LTBP1: variants seen among roughly 807,000 people sequenced by gnomAD.
LTBP1 encodes latent-transforming growth factor beta-binding protein 1.
Under a neutral mutation model 207.6 loss-of-function variants are expected in LTBP1, and 129 were observed. That is an observed-to-expected ratio of 0.62 (90% CI 0.54 to 0.72). The LOEUF (loss-of-function observed/expected upper bound fraction) is 0.72, where lower values mean the gene tolerates loss of function less well. Among genes scored for constraint, LTBP1 ranks in the 30% least tolerant of loss-of-function variants. LTBP1 has a pLI of 0.00. For missense variants in LTBP1, 2,281 were observed against 2,217.2 expected, an observed-to-expected ratio of 1.03 and a Z score of -0.58; for synonymous variants, 963 against 833.7, an observed-to-expected ratio of 1.16 and a Z score of -2.67.
At chr2:33,041,222 T>C (rs993398123) in intron 3 of LTBP1, among the ~76,000 whole-genome samples, 2 of 152,190 alleles carry the variant, frequency 1.3e-5, no homozygotes, top group Admixed American at 1.3e-4. Flanking sequence ...TTATTATTTG[T>C]TTATTTATTT....
chr2:33,042,383 A>G (rs1296938977), intron 3 of LTBP1, among the ~76,000 whole-genome samples: 1 of 152,198 alleles, frequency 6.6e-6, no homozygotes, highest in Non-Finnish European at 1.5e-5. Context: ...AGTGATGAAG[A>G]TGAGGTTTTT....
chr2:33,055,953 A>T (rs559350491), intron 3 of LTBP1, among the ~76,000 whole-genome samples: 8 of 152,164 alleles, frequency 5.3e-5, no homozygotes, highest in Non-Finnish European at 8.8e-5. Context: ...GGAGGCTAGG[A>T]TATGGGGGTA....
chr2:33,379,515 A>G lies in LTBP1; in HGVS notation c.4712-9669A>G, dbSNP rs374866590. ...ATGAGCCACCGTGCCCGGCCCTGCCATTACTTTTAATGCATTCATGTGGTA... is the reference window on the plus strand; with the variant it reads ...ATGAGCCACCGTGCCCGGCCCTGCCGTTACTTTTAATGCATTCATGTGGTA... On this transcript the variant is annotated intron_variant, in intron 31 of 33. Transcript: ENST00000404816. 2.0e-5 allele frequency among the ~76,000 whole-genome samples: 3 copies of G among 152,162 alleles called. No individual in the cohort carries two copies. The East Asian group carries it at 5.8e-4, about 29-fold the overall frequency.
chr2:33,168,399 C>CAAAAAAAAAAAAA (rs10616798), intron 5 of LTBP1, among the ~76,000 whole-genome samples: 1 of 103,806 alleles, frequency 9.6e-6, no homozygotes, highest in Non-Finnish European at 2.0e-5. Flanking sequence ...GTCTTTGTCT[C>CAAAAAAAAAAAAA]AAAAAAAAAA....
chr2:33,139,426 T>C (rs2082455500), intron 5 of LTBP1, among the ~76,000 whole-genome samples: 1 of 152,128 alleles, frequency 6.6e-6, no homozygotes, highest in Non-Finnish European at 1.5e-5. Flanking sequence ...AGCTTATACT[T>C]TGAGGAAGAG....
chr2:33,252,832 C>A lies in LTBP1; in HGVS notation c.2155C>A (p.Leu719Ile). The A allele has an allele frequency of 6.2e-7, 1 of 1,605,770 alleles. No homozygotes were observed. Among genetic ancestry groups the A allele is most frequent in the Non-Finnish European group, 8.5e-7 (1 of 1,174,344 alleles). ...AWGPHCEKCP[L>I]PGTAAFKEIC... ...GGGCCCACACTGTGAGAAATGTCCC[C>A]TTCCAGGCACAGGTAAGACATGCCC... Residue 719 changes from leucine (L) to isoleucine (I), a missense_variant, in exon 11 of 34, where the codon CTT (leucine) becomes ATT (isoleucine). By Grantham distance (5) the Leu-to-Ile change is conservative (BLOSUM62 2). Coordinates refer to ENST00000404816, the MANE Select transcript of LTBP1 (RefSeq NM_206943.4).
chr2:33,046,283 T>A (rs2076438212), intron 3 of LTBP1, among the ~76,000 whole-genome samples: 1 of 152,100 alleles, frequency 6.6e-6, no homozygotes, highest in Non-Finnish European at 1.5e-5. Context: ...TTGGAGATAT[T>A]TTCCATCAAT....
rs894820902 is a variant in LTBP1, at chr2:33,140,297, T to C, written c.1201+5337T>C. ...TAACTGCTTAAGAGGGGCAAGCATA[T>C]GGAGTTTTTTCTGGAAACTTAGTTC... On this transcript the variant is annotated intron_variant, in intron 5 of 33. Coordinates refer to ENST00000404816, the MANE Select transcript of LTBP1 (RefSeq NM_206943.4). Among the ~76,000 whole-genome samples the C allele has an allele frequency of 3.9e-5, 6 of 152,312 alleles. No individual in the cohort carries two copies. The South Asian group carries it at 1.0e-3, about 26-fold the overall frequency.
intron 2 of LTBP1, among the ~76,000 whole-genome samples, chr2:32,998,547 GGTT>G (rs1685645110): frequency 1.6e-5 from 2 of 126,774 alleles, no homozygotes; most frequent in Admixed American, 1.7e-4. Context: ...AAAAAAAAAA[GGTT>G]GTTATGAACT....
At chr2:33,066,043 C>G (rs908724529) in intron 3 of LTBP1, among the ~76,000 whole-genome samples, 9 of 151,986 alleles carry the variant, frequency 5.9e-5, no homozygotes, top group Non-Finnish European at 5.9e-5. Context: ...GATCATGTAT[C>G]TTTTTCTTGT....
Position 33,171,201 on chromosome 2 carries a change from A to G in LTBP1, c.1202-15655A>G, listed in dbSNP as rs2085413769. 4.9e-5 allele frequency among the ~76,000 whole-genome samples: 6 copies of G among 122,470 alleles called. No homozygotes were observed. The South Asian group carries it at 1.5e-3, about 30-fold the overall frequency. 80.3% of individuals were successfully genotyped at this position (122,470 alleles called of 152,430 possible). A position where few individuals can be genotyped will look rare whatever the true frequency, so the allele number is the denominator to read the frequency against. ...GAGAGAAGAAGGCTTCAGACGATCA[A>G]ACTACTCCGAGCTACAGGAGGAAAT... On this transcript the variant is annotated intron_variant, in intron 5 of 33. Transcript: ENST00000404816.
intron 24 of LTBP1, among the ~76,000 whole-genome samples, chr2:33,332,398 A>T: frequency 7.6e-6 from 1 of 132,206 alleles, no homozygotes; most frequent in Non-Finnish European, 1.6e-5. Context: ...AAAAAAAAAA[A>T]GAGAGAGAGA....
intron 15 of LTBP1, among the ~76,000 whole-genome samples, chr2:33,268,140 C>T (rs914297251): frequency 3.9e-5 from 6 of 152,194 alleles, no homozygotes; most frequent in Non-Finnish European, 7.3e-5. Context: ...TAGAGCTACA[C>T]TATACATAGT....
intron 19 of LTBP1, among the ~76,000 whole-genome samples, chr2:33,290,742 G>A (rs1573649892): frequency 6.6e-6 from 1 of 152,216 alleles, no homozygotes; most frequent in East Asian, 1.9e-4. Flanking sequence ...AGTAGATAAT[G>A]GTACTAGATA....
At chr2:33,145,608 G>A (rs1425958114) in intron 5 of LTBP1, among the ~76,000 whole-genome samples, 1 of 152,162 alleles carries the variant, frequency 6.6e-6, no homozygotes, top group African/African-American at 2.4e-5. Context: ...GATGATTTAT[G>A]AGTCCTCTGG....
At chr2:33,066,957 A>T (rs77766552) in intron 3 of LTBP1, among the ~76,000 whole-genome samples, 3 of 152,188 alleles carry the variant, frequency 2.0e-5, no homozygotes, top group Admixed American at 6.5e-5. Context: ...GCCTGAGTCC[A>T]GGAGTTCGAG....
chr2:33,142,531 A>T (rs1336168167), intron 5 of LTBP1, among the ~76,000 whole-genome samples: 1 of 152,040 alleles, frequency 6.6e-6, no homozygotes, highest in Non-Finnish European at 1.5e-5. Context: ...TGGAAAGGTG[A>T]TTCCATGGGT....
In LTBP1 at chr2:33,361,451, C is replaced by G; in HGVS notation, c.4206C>G (p.Pro1402=). ...LGTAEFTEMC[P]KGKGFVPAGE... ...CAGCTGAGTTCACTGAAATGTGTCC[C>G]AAAGGGAAAGGTTTTGTGCCTGCTG... Residue 1402 remains proline, a synonymous_variant, in exon 28 of 34, where the codon CCC becomes CCG. Transcript: ENST00000404816. 6.2e-7 allele frequency: 1 copy of G among 1,611,240 alleles called. No individual in the cohort carries two copies. Among genetic ancestry groups the G allele is most frequent in the Non-Finnish European group, 8.5e-7 (1 of 1,178,646 alleles).
intron 10 of LTBP1, among the ~76,000 whole-genome samples, chr2:33,249,883 T>C (rs1207518770): frequency 1.3e-5 from 2 of 152,216 alleles, no homozygotes; most frequent in African/African-American, 4.8e-5. Context: ...GCTTCCCCTA[T>C]CCCTTAGAAA....
Sources: allele counts gnomAD v4.1 joint callset (sites outside exome capture counted in the v4.1 genomes callset), GRCh38; gene constraint gnomAD v4.1.1; transcripts MANE v1.5; gene names NCBI Gene and HGNC (gene_info 2026-07-23, HGNC 2026-07-21).